Variants in KANK4 observed in about 807,000 individuals in gnomAD.
The protein encoded by KANK4 is KN motif and ankyrin repeat domain-containing protein 4.
Under a neutral mutation model 80.8 loss-of-function variants are expected in KANK4, and 50 were observed. The ratio of observed to expected loss-of-function variants is 0.62; its 90% CI spans 0.49 to 0.78. The LOEUF is 0.78. Ranked by LOEUF, KANK4 falls within the 30% of genes least tolerant of loss-of-function variation. The probability of loss-of-function intolerance (pLI) is 0.00; values close to 1 mark genes in which losing one functional copy is unlikely to be tolerated. For synonymous variants in KANK4, 465 were observed against 506.9 expected, an observed-to-expected ratio of 0.92 and a Z score of 1.11; for missense variants, 1,196 against 1,240.1, an observed-to-expected ratio of 0.96 and a Z score of 0.53.
At chr1:62,250,262 A>G (rs1378463641) in intron 8 of KANK4, among the ~76,000 whole-genome samples, 1 of 152,210 alleles carries the variant, frequency 6.6e-6, no homozygotes, top group African/African-American at 2.4e-5. Flanking sequence ...TGCTGGGATC[A>G]TAGGCGTGAG....
intron 2 of KANK4, among the ~76,000 whole-genome samples, chr1:62,280,952 C>T (rs1196418459): frequency 6.6e-6 from 1 of 152,172 alleles, no homozygotes; most frequent in East Asian, 1.9e-4. Flanking sequence ...GGAACATTAT[C>T]TGCACATTGG....
At chr1:62,285,909 G>C (rs770924557) in intron 1 of KANK4, among the ~76,000 whole-genome samples, 1 of 152,156 alleles carries the variant, frequency 6.6e-6, no homozygotes, top group African/African-American at 2.4e-5. Flanking sequence ...GAAGCAGGAG[G>C]CATCTGACCG....
At chr1:62,289,046 A>G (rs561030348) in intron 1 of KANK4, among the ~76,000 whole-genome samples, 1 of 152,312 alleles carries the variant, frequency 6.6e-6, no homozygotes, top group East Asian at 1.9e-4. Context: ...AAACTCTGCC[A>G]AGCTTGTCCA....
intron 2 of KANK4, among the ~76,000 whole-genome samples, chr1:62,280,431 G>A (rs759261968): frequency 1.3e-5 from 2 of 152,216 alleles, no homozygotes; most frequent in Non-Finnish European, 2.9e-5. Flanking sequence ...TGCCAGGGAT[G>A]CACTGAAAAG....
At chr1:62,242,107 G>C (rs1228732651) in intron 9 of KANK4, among the ~76,000 whole-genome samples, 6 of 152,078 alleles carry the variant, frequency 3.9e-5, no homozygotes, top group Non-Finnish European at 7.4e-5. Context: ...GCCTCTGCTC[G>C]ACAACACTCC....
intron 9 of KANK4, among the ~76,000 whole-genome samples, chr1:62,242,210 C>T: frequency 6.6e-6 from 1 of 151,722 alleles, no homozygotes; most frequent in Non-Finnish European, 1.5e-5. Context: ...CAAGAATCTG[C>T]ACTTGGCCAG....
At position 62,238,054 on chromosome 1, in the gene KANK4, A is replaced by G. The variant is rs1671246263; in HGVS notation, c.*223T>C. The G allele has an allele frequency of 6.1e-6, 3 of 491,446 alleles. No homozygotes were observed. Among genetic ancestry groups the G allele is most frequent in the South Asian group, 4.2e-5 (1 of 23,612 alleles). 30.4% of individuals were successfully genotyped at this position (491,446 alleles called of 1,614,324 possible). ...ACGTACCCCTCACCTTGCACCTTGAACCCTGCTCTGAAGCCCGTGTAGTTT... is the reference window on the plus strand; with the variant it reads ...ACGTACCCCTCACCTTGCACCTTGAGCCCTGCTCTGAAGCCCGTGTAGTTT... On this transcript the variant is annotated 3_prime_UTR_variant, in exon 10 of 10. Transcript: ENST00000371153.
At chr1:62,255,824 G>C (rs990570309) in intron 7 of KANK4, among the ~76,000 whole-genome samples, 1 of 151,508 alleles carries the variant, frequency 6.6e-6, no homozygotes, top group African/African-American at 2.4e-5. Flanking sequence ...AATTCTTTGT[G>C]TTTTTTATAG....
chr1:62,259,335 G>A (rs1248667938), intron 7 of KANK4, among the ~76,000 whole-genome samples: 1 of 152,034 alleles, frequency 6.6e-6, no homozygotes, highest in Non-Finnish European at 1.5e-5. Flanking sequence ...GCAGTGCAGT[G>A]GTGTGATCAC....
chr1:62,263,183 A>C lies in KANK4; in HGVS notation c.2448T>G (p.Leu816=). The C allele has an allele frequency of 6.2e-7, 1 of 1,614,010 alleles. No homozygotes were observed. The highest frequency in any genetic ancestry group is 1.1e-5 in the South Asian group (1 of 91,060). ...TCCCGTTGTGATCGGCCAAGTTGAC[A>C]AGCAGTTTCAGGAAGTGTGGGGAGT... The part of the protein sequence containing the change: ...QPHSPHFLKL[L]VNLADHNGNT... Residue 816 remains leucine (L), a synonymous_variant, in exon 7 of 10, where the codon CTT becomes CTG. Transcript: ENST00000371153.
chr1:62,281,047 C>T (rs56170763), intron 2 of KANK4, among the ~76,000 whole-genome samples: 11 of 152,278 alleles, frequency 7.2e-5, no homozygotes, highest in African/African-American at 2.2e-4. Flanking sequence ...ACGAGAGACA[C>T]GTGGCCAAGT....
chr1:62,257,712 A>T (rs76707000), intron 7 of KANK4, among the ~76,000 whole-genome samples: 5,818 of 152,182 alleles, frequency 0.038, 133 homozygotes, highest in Middle Eastern at 0.058. Flanking sequence ...TCCCTTCTAC[A>T]GAAGAGAGAA....
At chr1:62,299,900 G>A (rs1644397225) in intron 1 of KANK4, among the ~76,000 whole-genome samples, 1 of 152,072 alleles carries the variant, frequency 6.6e-6, no homozygotes, top group Non-Finnish European at 1.5e-5. Context: ...TGCTGCCAGT[G>A]CACACAATGC....
chr1:62,313,540 CT>C (rs1644514120), intron 1 of KANK4, among the ~76,000 whole-genome samples: 1 of 152,132 alleles, frequency 6.6e-6, no homozygotes, highest in Non-Finnish European at 1.5e-5. Context: ...TGGGTAATGC[CT>C]TTTGTTATTA....
intron 1 of KANK4, among the ~76,000 whole-genome samples, chr1:62,281,999 C>A (rs1672461625): frequency 6.6e-6 from 1 of 152,118 alleles, no homozygotes; most frequent in Non-Finnish European, 1.5e-5. Flanking sequence ...GGGCTCTTGC[C>A]ATAATCTCAA....
At chr1:62,294,359 A>G (rs928432200) in intron 1 of KANK4, among the ~76,000 whole-genome samples, 1 of 152,140 alleles carries the variant, frequency 6.6e-6, no homozygotes, top group African/African-American at 2.4e-5. Context: ...AAGCCTCTCA[A>G]GGGTAGGCAC....
rs941986358 is a variant in KANK4, at chr1:62,279,524, G to A, written c.16+2025C>T. Among the ~76,000 whole-genome samples, 5 of 152,204 alleles carry A rather than the reference G, an allele frequency of 3.3e-5. No homozygotes were observed. The South Asian group carries it at 8.3e-4, about 25-fold the overall frequency. ...AACCAACACATGGCCAACCTGGCTGGATTTGAATCATGGCTGTCATCTCCC... is the reference window on the plus strand; with the variant it reads ...AACCAACACATGGCCAACCTGGCTGAATTTGAATCATGGCTGTCATCTCCC... On this transcript the variant is annotated intron_variant, in intron 2 of 9. Transcript: ENST00000371153.
intron 1 of KANK4, among the ~76,000 whole-genome samples, chr1:62,316,303 T>A (rs1275674965): frequency 2.0e-5 from 3 of 152,200 alleles, no homozygotes; most frequent in Non-Finnish European, 4.4e-5. Context: ...TTCCTAATTG[T>A]CAACTCTGCC....
chr1:62,301,294 T>C (rs1644410259), intron 1 of KANK4, among the ~76,000 whole-genome samples: 2 of 152,052 alleles, frequency 1.3e-5, no homozygotes, highest in Non-Finnish European at 2.9e-5. Flanking sequence ...GTGTGCACGC[T>C]CCTACTACTG....
Sources: gnomAD v4.1 joint callset for allele counts (sites outside exome capture counted in the v4.1 genomes callset) on GRCh38, gnomAD v4.1.1 for gene constraint, MANE v1.5 for transcripts, NCBI Gene and HGNC (gene_info 2026-07-23, HGNC 2026-07-21) for gene names.